Variants in PHF20 observed in about 807,000 individuals in gnomAD.
The protein encoded by PHF20 is PHD finger protein 20, also known as glioma-expressed antigen 2.
A neutral mutation model predicts 113.5 loss-of-function variants in PHF20; 23 were observed. That is an observed-to-expected ratio of 0.20 (90% CI 0.15 to 0.29). The LOEUF (loss-of-function observed/expected upper bound fraction) is 0.29. Among genes scored for constraint, PHF20 ranks in the 10% least tolerant of loss-of-function variants. PHF20 has a pLI of 1.00. For missense variants in PHF20, 943 were observed against 1,219.6 expected, an observed-to-expected ratio of 0.77 and a Z score of 3.38; for synonymous variants, 434 against 457.3, an observed-to-expected ratio of 0.95 and a Z score of 0.65.
At chr20:35,845,442 T>C (rs770786025) in intron 3 of PHF20, 3 of 383,110 alleles carry the variant, frequency 7.8e-6, no homozygotes, top group South Asian at 3.8e-5. Flanking sequence ...CTTGGCTTAA[T>C]GTAGCCTTGA....
rs530886298 is a variant in PHF20, at chr20:35,862,026, GC to G, written c.421-986del. 2.6e-4 allele frequency among the ~76,000 whole-genome samples: 39 copies of G among 152,236 alleles called. No homozygotes were observed. The South Asian group carries it at 7.9e-3, about 31-fold the overall frequency. ...TAATTATAGTTTTGGAATCTCTAGA[GC>G]TTTCAGACCTGGCCTTATTATGAAA... On this transcript the variant is annotated intron_variant, in intron 5 of 17. Transcript: ENST00000374012.
At chr20:35,865,351 A>T (rs1346413985) in intron 6 of PHF20, among the ~76,000 whole-genome samples, 2 of 151,974 alleles carry the variant, frequency 1.3e-5, no homozygotes, top group Non-Finnish European at 2.9e-5. Flanking sequence ...AAATGAAAAA[A>T]TTGGCTGAGA....
At chr20:35,791,479 ATCTATCT>A (rs1187124018) in intron 1 of PHF20, among the ~76,000 whole-genome samples, 18 of 132,568 alleles carry the variant, frequency 1.4e-4, no homozygotes, top group Non-Finnish European at 1.9e-4. Flanking sequence ...CTATCTATCT[ATCTATCT>A]ATCTATCTAT....
At chr20:35,823,765 G>A (rs926484632) in intron 2 of PHF20, among the ~76,000 whole-genome samples, 1 of 151,752 alleles carries the variant, frequency 6.6e-6, no homozygotes. Flanking sequence ...GTCACCCACT[G>A]ATCTGTCCTT....
intron 5 of PHF20, among the ~76,000 whole-genome samples, chr20:35,862,255 A>G (rs2054231154): frequency 6.6e-6 from 1 of 152,178 alleles, no homozygotes; most frequent in Non-Finnish European, 1.5e-5. Context: ...GATAATCTTT[A>G]TAGTTTTCCT....
At chr20:35,778,969 A>G (rs2041229235) in intron 1 of PHF20, among the ~76,000 whole-genome samples, 2 of 151,936 alleles carry the variant, frequency 1.3e-5, no homozygotes, top group South Asian at 4.1e-4. Context: ...TGAATCAGTG[A>G]ACTTTGGGGA....
Position 35,834,252 on chromosome 20 carries a change from T to G in PHF20, c.84-8321T>G, listed in dbSNP as rs1441828271. Among the ~76,000 whole-genome samples, 38 of 146,400 alleles carry G rather than the reference T, an allele frequency of 2.6e-4. No homozygotes were observed. In the East Asian group the frequency reaches 7.2e-3, roughly 28 times the overall value. On this transcript the variant is annotated intron_variant, in intron 2 of 17. Transcript: ENST00000374012. The stretch of plus-strand genomic sequence containing the variant: ...TGGTTCATTCTACAGCTATGGTTTT[T>G]TTTTTTTTTTTTTTTTTGAGACGGA...
Position 35,949,313 on chromosome 20 carries a change from G to C in PHF20, c.*1686G>C, listed in dbSNP as rs1172884748. On this transcript the variant is annotated 3_prime_UTR_variant, in exon 18 of 18. Coordinates refer to ENST00000374012, the MANE Select transcript of PHF20 (RefSeq NM_016436.5). ...TTGTAAGAGTTCTGTCATGCAGTCT[G>C]AAAAGGGAAGAAACAGGATGGCTTT... 6.6e-6 allele frequency: 1 copy of C among 152,516 alleles called. No individual in the cohort carries two copies. The highest frequency in any genetic ancestry group is 1.5e-5 in the Non-Finnish European group (1 of 68,048). The allele number at this position is 152,516 out of a possible 1,614,324, so 9.4% of individuals were successfully genotyped here.
At chr20:35,869,159 G>A (rs554703079) in intron 6 of PHF20, among the ~76,000 whole-genome samples, 11 of 152,128 alleles carry the variant, frequency 7.2e-5, no homozygotes, top group African/African-American at 2.6e-4. Flanking sequence ...CCAGTGCTAA[G>A]ATAATTAATG....
intron 2 of PHF20, among the ~76,000 whole-genome samples, chr20:35,826,060 G>A (rs931804925): frequency 6.6e-6 from 1 of 151,778 alleles, no homozygotes; most frequent in Non-Finnish European, 1.5e-5. Flanking sequence ...ATGTATGTGT[G>A]TTTGAGACAG....
At chr20:35,910,340 G>T (rs889477059) in intron 10 of PHF20, among the ~76,000 whole-genome samples, 10 of 152,164 alleles carry the variant, frequency 6.6e-5, no homozygotes, top group Middle Eastern at 3.2e-3. Flanking sequence ...CTATATCAAA[G>T]TGGTCGTACA....
intron 13 of PHF20, among the ~76,000 whole-genome samples, chr20:35,925,432 T>C (rs1243848299): frequency 6.6e-6 from 1 of 152,040 alleles, no homozygotes; most frequent in Non-Finnish European, 1.5e-5. Flanking sequence ...CTCCCTAATT[T>C]TTGTATTTTT....
rs147534530 is a variant in PHF20, at chr20:35,869,451, C to T, written c.822C>T (p.Asn274=). The change falls in exon 7 of 18, where the codon AAC becomes AAT. Residue 274 remains asparagine, a synonymous_variant. Transcript: ENST00000374012. ...TAAACATGGTAGCTGTGGATTCAAA[C>T]TCTCAAACTTTGCAACCAATAACAT... is the stretch of plus-strand genomic sequence containing the variant. ...PSIAPTAVDS[N]SQTLQPITLE... is the part of the protein sequence containing the mutation. The T allele has an allele frequency of 2.7e-5, 43 of 1,590,944 alleles. No individual in the cohort carries two copies. Among genetic ancestry groups the T allele is most frequent in the Non-Finnish European group, 3.4e-5 (39 of 1,162,322 alleles).
chr20:35,819,405 C>T (rs968247052), intron 2 of PHF20, among the ~76,000 whole-genome samples: 5 of 152,146 alleles, frequency 3.3e-5, no homozygotes, highest in Admixed American at 6.6e-5. Context: ...GGCTGGCCTT[C>T]CCTGTTCTTG....
At chr20:35,899,319 A>G (rs748303952) in intron 9 of PHF20, 51 bp from the exon 10 acceptor site, 2 of 1,480,852 alleles carry the variant, frequency 1.4e-6, no homozygotes, top group Non-Finnish European at 1.8e-6. Context: ...ATGTTTTGTA[A>G]TAACTGGGAT....
At chr20:35,795,107 G>A (rs545409874) in intron 1 of PHF20, among the ~76,000 whole-genome samples, 23 of 151,362 alleles carry the variant, frequency 1.5e-4, no homozygotes, top group African/African-American at 4.1e-4. Context: ...CAGGAGAATC[G>A]CTTGAACCCG....
At chr20:35,834,926 A>AGTTGT (rs1266697363) in intron 2 of PHF20, among the ~76,000 whole-genome samples, 1 of 152,138 alleles carries the variant, frequency 6.6e-6, no homozygotes, top group Non-Finnish European at 1.5e-5. Context: ...TGAACATTTA[A>AGTTGT]GTTGTACCTG....
intron 10 of PHF20, among the ~76,000 whole-genome samples, chr20:35,903,077 C>CCTTTTTTT (rs1555799692): frequency 5.0e-5 from 3 of 60,002 alleles, no homozygotes; most frequent in Admixed American, 1.8e-4. Flanking sequence ...CCTATCCTTT[C>CCTTTTTTT]TTTTTTTTTT....
intron 2 of PHF20, among the ~76,000 whole-genome samples, chr20:35,837,708 C>T (rs1374231572): frequency 1.3e-5 from 2 of 152,222 alleles, no homozygotes; most frequent in African/African-American, 2.4e-5. Flanking sequence ...GGGGCCAGAA[C>T]ACATGTTTGT....
Sources: allele counts gnomAD v4.1 joint callset (sites outside exome capture counted in the v4.1 genomes callset), GRCh38; gene constraint gnomAD v4.1.1; transcripts MANE v1.5; gene names NCBI Gene and HGNC (gene_info 2026-07-23, HGNC 2026-07-21).